Variants in ELAC2 observed in about 807,000 individuals in gnomAD.
ELAC2 encodes the protein zinc phosphodiesterase ELAC protein 2.
Under a neutral mutation model 105.2 loss-of-function variants are expected in ELAC2, and 92 were observed. The observed-to-expected ratio is 0.87, with a 90% CI of 0.74 to 1.04. The LOEUF (loss-of-function observed/expected upper bound fraction) is 1.04. Ranked by LOEUF, ELAC2 falls within the 50% of genes least tolerant of loss-of-function variation. The pLI, the probability that ELAC2 is intolerant of heterozygous loss-of-function variation, is 0.00. For synonymous variants in ELAC2, 468 were observed against 409.1 expected (o/e 1.14, Z -1.74); for missense variants, 1,099 against 1,071.7 (o/e 1.03, Z -0.36).
intron 14 of ELAC2, among the ~76,000 whole-genome samples, chr17:13,001,385 G>A (rs1002018793): frequency 2.6e-5 from 4 of 152,036 alleles, no homozygotes; most frequent in Non-Finnish European, 4.4e-5. Context: ...CCAGCTATTC[G>A]GGAGGCTGGG....
chr17:13,005,802 ATGGG>A lies in ELAC2; in HGVS notation c.817_820del (p.Pro273SerfsTer36). The A allele has an allele frequency of 1.2e-6, 2 of 1,614,120 alleles. No individual in the cohort carries two copies. On this transcript the variant is annotated frameshift_variant, in exon 10 of 24. Transcript: ENST00000338034. LOFTEE classifies it high-confidence loss of function. ...TTTCCCGTCCTTGACAGCAGCAATGATGGGAGCGATGGCAGCTGTCCCACTGAAA... is the reference window on the plus strand; with the variant it reads ...TTTCCCGTCCTTGACAGCAGCAATGAAGCGATGGCAGCTGTCCCACTGAAA...
intron 14 of ELAC2, chr17:13,000,973 T>A (rs1598219490): frequency 1.3e-5 from 2 of 155,920 alleles, no homozygotes; most frequent in East Asian, 3.8e-4. Context: ...GGGCTGTGTA[T>A]CGCTGCTGTG....
intron 16 of ELAC2, 21 bp downstream of exon 16, chr17:12,998,391 C>T: frequency 6.2e-7 from 1 of 1,611,090 alleles, no homozygotes; most frequent in Non-Finnish European, 8.5e-7. Flanking sequence ...TGGAAGGATG[C>T]TTCCTGGGAA....
intron 8 of ELAC2, among the ~76,000 whole-genome samples, chr17:13,007,834 C>T (rs1047888418): frequency 5.3e-5 from 8 of 152,006 alleles, no homozygotes; most frequent in East Asian, 3.9e-4. Flanking sequence ...GCTAAGATTG[C>T]GCCACCGCAC....
intron 8 of ELAC2, chr17:13,006,205 T>C (rs1046831046): frequency 1.5e-5 from 8 of 518,436 alleles, no homozygotes; most frequent in African/African-American, 3.9e-5. Context: ...ACCCCGTCTC[T>C]ACTAAAAATA....
chr17:13,006,706 CATA>C (rs1377416813), intron 8 of ELAC2, among the ~76,000 whole-genome samples: 3 of 152,198 alleles, frequency 2.0e-5, no homozygotes, highest in Non-Finnish European at 1.5e-5. Flanking sequence ...TGCCATGTAA[CATA>C]ATATTTCAAT....
At position 13,013,225 on chromosome 17, in the gene ELAC2, A is replaced by AAT; in HGVS notation, c.540_541insAT (p.Tyr181IlefsTer62). 6.2e-7 allele frequency: 1 copy of AAT among 1,614,220 alleles called. No homozygotes were observed. Among genetic ancestry groups the AAT allele is most frequent in the African/African-American group, 1.3e-5 (1 of 75,056 alleles). On this transcript the variant is annotated frameshift_variant, in exon 6 of 24. Coordinates refer to ENST00000338034, the MANE Select transcript of ELAC2 (RefSeq NM_018127.7). LOFTEE classifies it high-confidence loss of function. ...TACTCACTGTGTATGGGGATCTGGT[A>AAT]AACTGTCATGGTTTCATCCTCGTAT...
rs1193154597 is a variant in ELAC2 at position 13,011,736 on chromosome 17, C to T, written c.606G>A (p.Arg202=). The change falls in exon 7 of 24, where the codon AGG becomes AGA. Residue 202 remains arginine (R), a synonymous_variant. Coordinates refer to ENST00000338034, the MANE Select transcript of ELAC2 (RefSeq NM_018127.7). ...GKHQPWQSPE[R]PLSRLSPERS... is the part of the protein sequence containing the mutation. ...GCTCTGGACTGAGCCTGCTGAGAGG[C>T]CTTTCTGGACTCTGCCATGGTTGGT... is the stretch of plus-strand genomic sequence containing the variant. The T allele has an allele frequency of 5.0e-6, 8 of 1,614,030 alleles. No individual in the cohort carries two copies. The highest frequency in any genetic ancestry group is 6.8e-6 in the Non-Finnish European group (8 of 1,180,040).
Position 13,017,865 on chromosome 17 carries a change from C to G in ELAC2, c.83G>C (p.Arg28Pro). The change falls in exon 1 of 24, where the codon CGC becomes CCC. Residue 28 changes from arginine to proline, a missense_variant. Transcript: ENST00000338034. ...CGGGTCCTTGCGCGGCCGCTCGCGG[C>G]GGGCGGGTGCCTGCGATATGGTGCG... ...QGRTISQAPA[R>P]RERPRKDPLR... 6.4e-7 allele frequency: 1 copy of G among 1,554,014 alleles called. No homozygotes were observed. The highest frequency in any genetic ancestry group is 1.2e-5 in the South Asian group (1 of 85,260).
Position 13,017,864 on chromosome 17 carries a change from G to A in ELAC2, c.84C>T (p.Arg28=), listed in dbSNP as rs1431102642. The A allele has an allele frequency of 6.4e-7, 1 of 1,554,202 alleles. No homozygotes were observed. Among genetic ancestry groups the A allele is most frequent in the Non-Finnish European group, 8.7e-7 (1 of 1,151,800 alleles). Reference sequence around the variant, plus strand: ...GCGGGTCCTTGCGCGGCCGCTCGCGGCGGGCGGGTGCCTGCGATATGGTGC... The same window carrying A: ...GCGGGTCCTTGCGCGGCCGCTCGCGACGGGCGGGTGCCTGCGATATGGTGC... The part of the protein sequence containing the change: ...QGRTISQAPA[R]RERPRKDPLR... The change falls in exon 1 of 24, where the codon CGC becomes CGT. Residue 28 remains arginine (R), a synonymous_variant. Coordinates refer to ENST00000338034, the MANE Select transcript of ELAC2 (RefSeq NM_018127.7).
At chr17:13,007,964 G>A (rs1050357026) in intron 8 of ELAC2, among the ~76,000 whole-genome samples, 2 of 152,254 alleles carry the variant, frequency 1.3e-5, no homozygotes, top group Middle Eastern at 3.4e-3. Flanking sequence ...ACTTTAGGAG[G>A]CTGAGGAAGG....
rs375565327 is a variant in ELAC2 at position 13,000,229 on chromosome 17, C to T, written c.1350G>A (p.Ala450=). 29 of 1,614,000 alleles carry T rather than the reference C, an allele frequency of 1.8e-5. No homozygotes were observed. Among genetic ancestry groups the T allele is most frequent in the East Asian group, 1.1e-4 (5 of 44,884 alleles). The change falls in exon 15 of 24, where the codon GCG becomes GCA. Residue 450 remains alanine (A), a synonymous_variant. Transcript: ENST00000338034. ...TCTGCTGGAAGTTGGGAAGCTGCAGCGCCTCAACTATGAATTCCTCAGGAT... is the reference window on the plus strand; with the variant it reads ...TCTGCTGGAAGTTGGGAAGCTGCAGTGCCTCAACTATGAATTCCTCAGGAT... ...TCNPEEFIVE[A]LQLPNFQQSV...
chr17:13,017,910 C>T lies in ELAC2; in HGVS notation c.38G>A (p.Gly13Glu), dbSNP rs1455825268. ...ALCSLLRSAA[G>E]RTMSQGRTIS... Reference sequence around the variant, plus strand: ...GGTGCGTCCCTGCGACATGGTGCGTCCGGCCGCGGACCGCAGCAGCGAGCA... The same window carrying T: ...GGTGCGTCCCTGCGACATGGTGCGTTCGGCCGCGGACCGCAGCAGCGAGCA... Residue 13 changes from glycine to glutamate, a missense_variant, in exon 1 of 24, where the codon GGA becomes GAA. Gly to Glu is a moderately conservative substitution (Grantham distance 98). Coordinates refer to ENST00000338034, the MANE Select transcript of ELAC2 (RefSeq NM_018127.7). 35 of 1,541,084 alleles carry T rather than the reference C, an allele frequency of 2.3e-5. No individual in the cohort carries two copies. The highest frequency in any genetic ancestry group is 3.1e-5 in the Non-Finnish European group (35 of 1,146,894).
chr17:13,017,748 C>T lies in ELAC2; in HGVS notation c.200G>A (p.Ser67Asn). 3 of 1,611,486 alleles carry T rather than the reference C, an allele frequency of 1.9e-6. No individual in the cohort carries two copies. The highest frequency in any genetic ancestry group is 1.7e-6 in the Non-Finnish European group (2 of 1,179,458). The stretch of plus-strand genomic sequence containing the variant: ...GTAGAGCGCGGCGCCCGAGTCCCGG[C>T]TACCCGCTGCCACCACCTGCAGGTA... ...TVYLQVVAAG[S>N]RDSGAALYVF... The change falls in exon 1 of 24, where the codon AGC becomes AAC. Residue 67 changes from serine to asparagine, a missense_variant. Coordinates refer to ENST00000338034, the MANE Select transcript of ELAC2 (RefSeq NM_018127.7).
rs374401490 is a variant in ELAC2 at position 12,993,672 on chromosome 17, G to T, written c.2253+15C>A. The T allele has an allele frequency of 6.2e-7, 1 of 1,613,950 alleles. No individual in the cohort carries two copies. Among genetic ancestry groups the T allele is most frequent in the African/African-American group, 1.3e-5 (1 of 74,912 alleles). On this transcript the variant is annotated intron_variant, in intron 23 of 23. Transcript: ENST00000338034. ...GCCCCGTCCCCGCCCTGTGCTGTCCGTGTGACATACAGACCTTCATGTGGT... is the reference window on the plus strand; with the variant it reads ...GCCCCGTCCCCGCCCTGTGCTGTCCTTGTGACATACAGACCTTCATGTGGT...
intron 15 of ELAC2, among the ~76,000 whole-genome samples, chr17:12,999,644 G>C (rs1184226008): frequency 2.0e-5 from 3 of 147,688 alleles, no homozygotes; most frequent in Non-Finnish European, 3.0e-5. Flanking sequence ...TGATTGGGTG[G>C]GATGGGGCAC....
intron 14 of ELAC2, among the ~76,000 whole-genome samples, chr17:13,001,741 A>G (rs934308236): frequency 2.0e-5 from 3 of 152,192 alleles, no homozygotes; most frequent in Admixed American, 6.5e-5. Context: ...CATTCATTAA[A>G]AACAACAAAA....
At chr17:13,014,390 CAT>C in intron 5 of ELAC2, 47 bp downstream of exon 5, 1 of 1,386,030 alleles carries the variant, frequency 7.2e-7, no homozygotes, top group Non-Finnish European at 1.0e-6. Flanking sequence ...GAGGTCAGGG[CAT>C]ATATAAGTTA....
intron 7 of ELAC2, 134 bp from the exon 8 acceptor site, chr17:13,010,805 G>A: frequency 1.2e-6 from 1 of 811,848 alleles, no homozygotes; most frequent in East Asian, 2.7e-5. Flanking sequence ...TACAAAGGCT[G>A]AAGACACTAA....
Sources: allele counts gnomAD v4.1 joint callset (sites outside exome capture counted in the v4.1 genomes callset), GRCh38; gene constraint gnomAD v4.1.1; transcripts MANE v1.5; gene names NCBI Gene and HGNC (gene_info 2026-07-23, HGNC 2026-07-21).